ULK4: variants seen among roughly 807,000 people sequenced by gnomAD.
The protein encoded by ULK4 is unc-51 like kinase 4.
ULK4 carries 133 observed loss-of-function variants against 160.6 expected under a neutral mutation model. The ratio of observed to expected loss-of-function variants is 0.83; its 90% CI spans 0.72 to 0.96. The LOEUF is 0.96. ULK4 is among the 40% of genes least tolerant of loss of function. The probability of loss-of-function intolerance (pLI) is 0.00; values close to 1 mark genes in which losing one functional copy is unlikely to be tolerated. For synonymous variants in ULK4, 534 were observed against 539.8 expected (o/e 0.99, Z 0.15); for missense variants, 1,580 against 1,499.5 (o/e 1.05, Z -0.89).
At position 41,433,144 on chromosome 3, in the gene ULK4, A is replaced by G. The variant is rs182837731; in HGVS notation, c.3492+22353T>C. 4.5e-4 allele frequency among the ~76,000 whole-genome samples: 69 copies of G among 152,344 alleles called. 1 individual carries two copies. The highest frequency in any genetic ancestry group is 1.6e-3 in the African/African-American group (66 of 41,582). On this transcript the variant is annotated intron_variant, in intron 34 of 36. Coordinates refer to ENST00000301831, the MANE Select transcript of ULK4 (RefSeq NM_017886.4). ...TACAAAGAGTTCTTACGAATCAATG[A>G]AAGAGGTAAACTAAGTAGAAAAACA...
At chr3:41,696,510 C>A (rs928934676) in intron 27 of ULK4, among the ~76,000 whole-genome samples, 1 of 152,046 alleles carries the variant, frequency 6.6e-6, no homozygotes, top group Non-Finnish European at 1.5e-5. Context: ...CAATAAATAA[C>A]AGCACAGCCA....
In ULK4 at chr3:41,660,267, C is replaced by A. The variant is rs567523998; in HGVS notation, c.3071+3340G>T. Among the ~76,000 whole-genome samples the A allele has an allele frequency of 2.0e-5, 3 of 151,842 alleles. No homozygotes were observed. In the South Asian group the frequency reaches 6.2e-4, roughly 32 times the overall value. On this transcript the variant is annotated intron_variant, in intron 30 of 36. Transcript: ENST00000301831. ...CCGAGATTGTGCCATTGCACACCAG[C>A]CTGTGGCAACAAGAGTGAAACTCCG...
At chr3:41,250,369 TG>T (rs1361359385) in intron 35 of ULK4, among the ~76,000 whole-genome samples, 1 of 152,278 alleles carries the variant, frequency 6.6e-6, no homozygotes, top group Non-Finnish European at 1.5e-5. Flanking sequence ...AATAAACGCT[TG>T]TATGGCACTT....
rs371697193 is a variant in ULK4 at position 41,675,630 on chromosome 3, G to C, written c.2978+5878C>G. ...AAACAACAAAAAAAAGATCATCCTG[G>C]ATTTAGGATCGGCCCTAAATCTAAA... On this transcript the variant is annotated intron_variant, in intron 29 of 36. Transcript: ENST00000301831. 3.3e-5 allele frequency among the ~76,000 whole-genome samples: 5 copies of C among 152,032 alleles called. No individual in the cohort carries two copies. In the East Asian group the frequency reaches 9.7e-4, roughly 29 times the overall value.
At chr3:41,436,707 A>T (rs1209108469) in intron 34 of ULK4, among the ~76,000 whole-genome samples, 2 of 152,160 alleles carry the variant, frequency 1.3e-5, no homozygotes, top group East Asian at 3.9e-4. Flanking sequence ...AGTGGGACCG[A>T]GCAACCACGT....
At chr3:41,539,677 A>C (rs2086629517) in intron 32 of ULK4, among the ~76,000 whole-genome samples, 1 of 152,144 alleles carries the variant, frequency 6.6e-6, no homozygotes, top group Non-Finnish European at 1.5e-5. Flanking sequence ...TGGTAAATCC[A>C]CCTATAGTAT....
At chr3:41,677,499 T>C (rs549687511) in intron 29 of ULK4, among the ~76,000 whole-genome samples, 1 of 152,014 alleles carries the variant, frequency 6.6e-6, no homozygotes, top group South Asian at 2.1e-4. Flanking sequence ...ACCCAGCTAA[T>C]TTTTTGTATC....
chr3:41,631,419 A>C (rs1223048770), intron 30 of ULK4, among the ~76,000 whole-genome samples: 1 of 152,204 alleles, frequency 6.6e-6, no homozygotes, highest in Non-Finnish European at 1.5e-5. Flanking sequence ...CTGACTGCTT[A>C]ATTTACTGAG....
chr3:41,738,346 G>A (rs1202261189), intron 22 of ULK4, among the ~76,000 whole-genome samples: 2 of 151,662 alleles, frequency 1.3e-5, no homozygotes, highest in South Asian at 2.1e-4. Context: ...TTTTTTCTCC[G>A]TTTCAATTTA....
intron 31 of ULK4, among the ~76,000 whole-genome samples, chr3:41,600,956 G>C (rs923254274): frequency 6.6e-6 from 1 of 152,110 alleles, no homozygotes; most frequent in African/African-American, 2.4e-5. Context: ...TTTTACACAA[G>C]AAAAATTGAT....
chr3:41,898,963 T>C (rs1350938989), intron 13 of ULK4: 1 of 154,376 alleles, frequency 6.5e-6, no homozygotes, highest in Non-Finnish European at 1.4e-5. Flanking sequence ...ATGCAGGACA[T>C]AACTACAGAG....
At position 41,748,205 on chromosome 3, in the gene ULK4, TAG is replaced by T. The variant is rs149689953; in HGVS notation, c.2321+6154_2321+6155del. Among the ~76,000 whole-genome samples the T allele has an allele frequency of 7.4e-5, 11 of 148,550 alleles. No individual in the cohort carries two copies. The East Asian group carries it at 1.6e-3, about 21-fold the overall frequency. ...CATAGAGACGTATATATACCATATA[TAG>T]AGAGAGAGGCCACATATATATATAC... is the stretch of plus-strand genomic sequence containing the variant. On this transcript the variant is annotated intron_variant, in intron 22 of 36. Coordinates refer to ENST00000301831, the MANE Select transcript of ULK4 (RefSeq NM_017886.4).
At chr3:41,353,744 CTA>C (rs2080970929) in intron 35 of ULK4, among the ~76,000 whole-genome samples, 1 of 143,892 alleles carries the variant, frequency 6.9e-6, no homozygotes, top group Non-Finnish European at 1.5e-5. Flanking sequence ...ACTACTACTA[CTA>C]CTACTAAAGC....
At chr3:41,380,653 C>T (rs2081628720) in intron 35 of ULK4, among the ~76,000 whole-genome samples, 1 of 152,152 alleles carries the variant, frequency 6.6e-6, no homozygotes, top group Non-Finnish European at 1.5e-5. Context: ...AATCTCATTC[C>T]TCATTGTGTC....
chr3:41,821,884 G>A (rs747291302), intron 18 of ULK4, among the ~76,000 whole-genome samples: 11 of 151,780 alleles, frequency 7.2e-5, no homozygotes, highest in Non-Finnish European at 1.3e-4. Flanking sequence ...TGACTTTCAT[G>A]TCATTAAATC....
chr3:41,761,338 A>G (rs2038978445), intron 21 of ULK4, among the ~76,000 whole-genome samples: 1 of 148,642 alleles, frequency 6.7e-6, no homozygotes, highest in African/African-American at 2.4e-5. Flanking sequence ...GTTATATATT[A>G]TCATACATAT....
At chr3:41,771,520 T>C (rs1295320622) in intron 21 of ULK4, among the ~76,000 whole-genome samples, 4 of 152,208 alleles carry the variant, frequency 2.6e-5, no homozygotes, top group Non-Finnish European at 4.4e-5. Flanking sequence ...GTAAGAATTT[T>C]TGAAATAAGA....
chr3:41,437,565 C>T (rs1425638130), intron 34 of ULK4, among the ~76,000 whole-genome samples: 4 of 152,108 alleles, frequency 2.6e-5, no homozygotes, highest in Non-Finnish European at 5.9e-5. Context: ...ATCTTGGTCC[C>T]CAGAGATGCA....
chr3:41,854,230 C>T (rs1481404140), intron 17 of ULK4: 3 of 152,280 alleles, frequency 2.0e-5, no homozygotes, highest in African/African-American at 7.2e-5. Flanking sequence ...ACTGGAATGA[C>T]TCAACAAAGT....
Sources: allele counts gnomAD v4.1 joint callset (sites outside exome capture counted in the v4.1 genomes callset), GRCh38; gene constraint gnomAD v4.1.1; transcripts MANE v1.5; gene names NCBI Gene and HGNC (gene_info 2026-07-23, HGNC 2026-07-21).